The following RBFOX1 variants were observed in gnomAD, a reference collection of about 807,000 sequenced individuals.
RBFOX1 encodes RNA binding fox-1 homolog 1, also known as RNA binding protein fox-1 homolog 1.
In RBFOX1, 8 loss-of-function variants were observed where a neutral mutation model predicts 57.7. That is an observed-to-expected ratio of 0.14 (90% CI 0.08 to 0.25). RBFOX1 has a LOEUF of 0.25. RBFOX1 is among the 10% of genes least tolerant of loss of function. The pLI, the probability that RBFOX1 is intolerant of heterozygous loss-of-function variation, is 1.00. For missense variants in RBFOX1, 611 were observed against 548.5 expected, an observed-to-expected ratio of 1.11 and a Z score of -1.14; for synonymous variants, 326 against 222.4, an observed-to-expected ratio of 1.47 and a Z score of -4.15.
intron 4 of RBFOX1, among the ~76,000 whole-genome samples, chr16:7,263,751 C>G (rs1049002519): frequency 3.3e-5 from 5 of 151,844 alleles, no homozygotes; most frequent in Non-Finnish European, 7.4e-5. Context: ...CAAAAATTAG[C>G]TGGGTGTGGT....
intron 3 of RBFOX1, among the ~76,000 whole-genome samples, chr16:5,678,324 T>C (rs1043271793): frequency 5.3e-5 from 8 of 151,808 alleles, no homozygotes; most frequent in Non-Finnish European, 1.0e-4. Context: ...TAGCGGCTGG[T>C]CTTGTTCTTA....
At chr16:6,574,962 T>C (rs1265854014) in intron 2 of RBFOX1, among the ~76,000 whole-genome samples, 2 of 149,608 alleles carry the variant, frequency 1.3e-5, no homozygotes, top group African/African-American at 2.5e-5. Context: ...GGCGTGAACC[T>C]GGGAGGCGGA....
intron 3 of RBFOX1, among the ~76,000 whole-genome samples, chr16:6,812,262 A>C (rs539308736): frequency 7.9e-5 from 12 of 152,338 alleles, no homozygotes; most frequent in Non-Finnish European, 1.6e-4. Flanking sequence ...AATTTGTTCA[A>C]AATGAAAGTA....
At chr16:5,869,944 A>G (rs1209245169) in intron 4 of RBFOX1, among the ~76,000 whole-genome samples, 1 of 152,142 alleles carries the variant, frequency 6.6e-6, no homozygotes, top group East Asian at 1.9e-4. Context: ...AGAGTAACAG[A>G]TCAATCAATA....
chr16:7,142,370 G>A (rs544598953), intron 4 of RBFOX1, among the ~76,000 whole-genome samples: 3 of 152,222 alleles, frequency 2.0e-5, no homozygotes, highest in African/African-American at 7.2e-5. Context: ...TACCATGCCC[G>A]TGAAATGAGG....
chr16:5,248,404 C>G (rs2878016), intron 1 of RBFOX1, among the ~76,000 whole-genome samples: 4 of 152,246 alleles, frequency 2.6e-5, no homozygotes, highest in Non-Finnish European at 5.9e-5. Context: ...GACTGCCAGC[C>G]CAGATCCCCA....
At chr16:6,801,474 T>A (rs1337578930) in intron 3 of RBFOX1, among the ~76,000 whole-genome samples, 1 of 152,164 alleles carries the variant, frequency 6.6e-6, no homozygotes, top group East Asian at 1.9e-4. Context: ...ATATAAAGAT[T>A]ATTGAGCCAG....
In RBFOX1 at chr16:5,440,186, A is replaced by G. The variant is rs958509291; in HGVS notation, c.220-27030A>G. 2.4e-4 allele frequency among the ~76,000 whole-genome samples: 37 copies of G among 152,230 alleles called. 1 individual carries two copies. The highest frequency in any genetic ancestry group is 6.3e-4 in the African/African-American group (26 of 41,464). The stretch of plus-strand genomic sequence containing the variant: ...GAAGCATTGTGCAAATGCAGTTTCT[A>G]TTCACACCGCCATAACATTTGGGCC... On this transcript the variant is annotated intron_variant, in intron 1 of 2. Transcript: ENST00000585867.
chr16:6,264,796 C>G (rs79555058), intron 1 of RBFOX1, among the ~76,000 whole-genome samples: 4 of 151,764 alleles, frequency 2.6e-5, no homozygotes, highest in Non-Finnish European at 5.9e-5. Flanking sequence ...AAACTTCTAA[C>G]TATCTGATTA....
intron 4 of RBFOX1, among the ~76,000 whole-genome samples, chr16:7,291,637 G>C (rs749802107): frequency 6.6e-6 from 1 of 151,980 alleles, no homozygotes; most frequent in Non-Finnish European, 1.5e-5. Context: ...GTGCAGATGC[G>C]TTTGTTTGGG....
At chr16:5,671,861 G>T (rs1596681741) in intron 3 of RBFOX1, among the ~76,000 whole-genome samples, 1 of 152,120 alleles carries the variant, frequency 6.6e-6, no homozygotes, top group Non-Finnish European at 1.5e-5. Flanking sequence ...TGAGCTGGGG[G>T]TTGAAGGATG....
chr16:7,387,168 G>T (rs549435850), intron 4 of RBFOX1, among the ~76,000 whole-genome samples: 1 of 152,104 alleles, frequency 6.6e-6, no homozygotes, highest in African/African-American at 2.4e-5. Context: ...GTCCCATTCT[G>T]TAGGTTGCTG....
chr16:5,709,835 ATATATATATTTTTTTTTTTTTTTTTT>A (rs1162988948), intron 3 of RBFOX1, among the ~76,000 whole-genome samples: 1 of 6,218 alleles, frequency 1.6e-4, no homozygotes, highest in South Asian at 9.3e-3. Flanking sequence ...ATATATATAT[ATATATATATTTTTTTTTTTTTTTTTT>A]TTTTTTTTTT....
At chr16:6,562,435 G>C (rs1286952654) in intron 2 of RBFOX1, among the ~76,000 whole-genome samples, 1 of 152,182 alleles carries the variant, frequency 6.6e-6, no homozygotes, top group Admixed American at 6.5e-5. Context: ...ATCAACTTTT[G>C]TCTATGATCA....
chr16:6,927,414 C>CAA (rs1194663760), intron 3 of RBFOX1, among the ~76,000 whole-genome samples: 1,741 of 52,178 alleles, frequency 0.033, 207 homozygotes, highest in African/African-American at 0.081. Flanking sequence ...CGCTTTCTCA[C>CAA]AAAAAAAAAA....
chr16:7,644,303 G>C (rs904392107), intron 11 of RBFOX1, among the ~76,000 whole-genome samples: 4 of 152,154 alleles, frequency 2.6e-5, no homozygotes, highest in Non-Finnish European at 4.4e-5. Flanking sequence ...TCCGGGTCTG[G>C]CAATTAGCAA....
intron 3 of RBFOX1, among the ~76,000 whole-genome samples, chr16:5,775,608 C>A (rs532461954): frequency 2.5e-4 from 38 of 152,336 alleles, no homozygotes; most frequent in African/African-American, 8.4e-4. Context: ...CCATCCATAC[C>A]TCTTTCCCTT....
At position 5,947,802 on chromosome 16, in the gene RBFOX1, T is replaced by C. The variant is rs1306647189; in HGVS notation, c.351+80467T>C. Among the ~76,000 whole-genome samples the C allele has an allele frequency of 6.6e-6, 1 of 152,216 alleles. No homozygotes were observed. Among genetic ancestry groups the C allele is most frequent in the Non-Finnish European group, 1.5e-5 (1 of 68,036 alleles). ...ATACAGCTGCCCTTGGTATTCTTCATGGTGATAATGGAAACCTAAGTTGCT... is the reference window on the plus strand; with the variant it reads ...ATACAGCTGCCCTTGGTATTCTTCACGGTGATAATGGAAACCTAAGTTGCT... On this transcript the variant is annotated intron_variant, in intron 4 of 19. Transcript: ENST00000641259. This position sits in a 1 kb window ranked among gnomAD's most constrained non-coding sequence, Gnocchi z 7.2.
intron 2 of RBFOX1, among the ~76,000 whole-genome samples, chr16:6,539,488 A>G (rs148056712): frequency 0.015 from 2,301 of 152,206 alleles, 16 homozygotes; most frequent in Middle Eastern, 0.031. Flanking sequence ...CTATTTGCAC[A>G]ATATACTTCT....
Sources: gnomAD v4.1 joint callset for allele counts (sites outside exome capture counted in the v4.1 genomes callset) on GRCh38, gnomAD v4.1.1 for gene constraint, Gnocchi (gnomAD v3.1) non-coding constraint, MANE v1.5 for transcripts, NCBI Gene and HGNC (gene_info 2026-07-23, HGNC 2026-07-21) for gene names.